The following CAPN11 variants were observed in gnomAD, a reference collection of about 807,000 sequenced individuals.
CAPN11 encodes the protein calpain-11.
A neutral mutation model predicts 105.3 loss-of-function variants in CAPN11; 108 were observed. The observed-to-expected ratio is 1.03, with a 90% CI of 0.88 to 1.20. CAPN11 has a LOEUF of 1.20. CAPN11 is among the 50% of genes most tolerant of loss of function. The probability of loss-of-function intolerance (pLI) is 0.00; values close to 1 mark genes in which losing one functional copy is unlikely to be tolerated. For missense variants in CAPN11, 883 were observed against 924.8 expected (o/e 0.95, Z 0.59); for synonymous variants, 329 against 344.5 (o/e 0.96, Z 0.50).
intron 16 of CAPN11, 41 bp from the exon 17 acceptor site, chr6:44,180,707 G>A (rs372619536): frequency 6.3e-4 from 1,019 of 1,613,344 alleles, no homozygotes; most frequent in Non-Finnish European, 8.1e-4. Context: ...GGGATGAGGG[G>A]CTGGAGGGGC....
rs1263187387 is a variant in CAPN11, at chr6:44,184,184, G to A, written c.*252G>A. 1.6e-5 allele frequency: 9 copies of A among 573,956 alleles called. No homozygotes were observed. Among genetic ancestry groups the A allele is most frequent in the Admixed American group, 3.0e-5 (1 of 33,204 alleles). The allele number at this position is 573,956 out of a possible 1,614,324, so 35.6% of individuals were successfully genotyped here. ...TGATGGCTGGCTTTCCCCCACCATC[G>A]CTCTCTCAGAGTATATTTTACTAAA... On this transcript the variant is annotated 3_prime_UTR_variant, in exon 23 of 23. Transcript: ENST00000398776.
intron 18 of CAPN11, 52 bp from the exon 19 acceptor site, chr6:44,181,200 C>G: frequency 6.5e-7 from 1 of 1,539,384 alleles, no homozygotes; most frequent in South Asian, 1.1e-5. Flanking sequence ...GCTTCCCTAT[C>G]CCCTGGGATG....
intron 12 of CAPN11, 22 bp from the exon 13 acceptor site, chr6:44,179,597 C>T (rs1772786168): frequency 1.2e-6 from 2 of 1,612,052 alleles, no homozygotes; most frequent in Non-Finnish European, 1.7e-6. Flanking sequence ...AGATCTGACT[C>T]TCCTCTTTCT....
chr6:44,177,961 A>C (rs1772411833), intron 12 of CAPN11, among the ~76,000 whole-genome samples: 1 of 151,994 alleles, frequency 6.6e-6, no homozygotes, highest in African/African-American at 2.4e-5. Flanking sequence ...AGGCTCAAGC[A>C]ATCCTTCCAC....
At position 44,180,977 on chromosome 6, in the gene CAPN11, T is replaced by G; in HGVS notation, c.1849T>G (p.Cys617Gly). Residue 617 changes from cysteine to glycine, a missense_variant, in exon 18 of 23, where the codon TGC becomes GGC. Cys to Gly is a radical substitution (Grantham distance 159, BLOSUM62 -3). Transcript: ENST00000398776. Reference sequence around the variant, plus strand: ...GGGCTTTGGCCTGGATGCTTGCCGCTGCATGATCAACCTCATGGATGTATC... The same window carrying G: ...GGGCTTTGGCCTGGATGCTTGCCGCGGCATGATCAACCTCATGGATGTATC... ...TKGFGLDACR[C>G]MINLMDKDGS... 6.2e-7 allele frequency: 1 copy of G among 1,613,616 alleles called. No homozygotes were observed. Among genetic ancestry groups the G allele is most frequent in the Non-Finnish European group, 8.5e-7 (1 of 1,179,590 alleles).
At chr6:44,181,539 A>T (rs1582889234) in intron 19 of CAPN11, among the ~76,000 whole-genome samples, 2 of 73,060 alleles carry the variant, frequency 2.7e-5, no homozygotes, top group African/African-American at 7.0e-5. Flanking sequence ...CACCACACTC[A>T]CACACACACA....
chr6:44,160,635 C>A (rs1468501623), intron 1 of CAPN11, among the ~76,000 whole-genome samples: 8 of 151,814 alleles, frequency 5.3e-5, no homozygotes, highest in African/African-American at 1.9e-4. Context: ...CCTCAAAAAA[C>A]AACAACAACA....
intron 12 of CAPN11, among the ~76,000 whole-genome samples, chr6:44,178,572 T>C (rs1772542371): frequency 6.6e-6 from 1 of 151,894 alleles, no homozygotes; most frequent in Admixed American, 6.6e-5. Context: ...TGCCCTACTC[T>C]TAGGGCCATT....
intron 10 of CAPN11, 74 bp from the exon 11 acceptor site, chr6:44,176,764 G>A: frequency 1.9e-6 from 3 of 1,580,610 alleles, no homozygotes; most frequent in Admixed American, 1.7e-5. Flanking sequence ...GGGTGGTTGT[G>A]GGGGGTGGTT....
chr6:44,169,852 A>C, intron 3 of CAPN11, 54 bp from the exon 4 acceptor site: 2 of 1,356,420 alleles, frequency 1.5e-6, no homozygotes, highest in Non-Finnish European at 2.1e-6. Context: ...AAGTGGGAGA[A>C]AGGTGGGGAG....
Position 44,180,112 on chromosome 6 carries a change from G to T in CAPN11, c.1589G>T (p.Arg530Ile), listed in dbSNP as rs1397815468. The T allele has an allele frequency of 6.2e-7, 1 of 1,613,682 alleles. No homozygotes were observed. The change falls in exon 14 of 23, where the codon AGA becomes ATA. Residue 530 changes from arginine (R) to isoleucine (I), a missense_variant. By Grantham distance (97) the Arg-to-Ile change is moderately conservative. Transcript: ENST00000398776. ...ATTCCCTCCACCTTTGAGCCACACAGAGATGCTGACTTCCTGCTTCGGGTC... is the reference window on the plus strand; with the variant it reads ...ATTCCCTCCACCTTTGAGCCACACATAGATGCTGACTTCCTGCTTCGGGTC... ...IIIPSTFEPH[R>I]DADFLLRVFT...
chr6:44,170,413 C>T (rs544938080), intron 4 of CAPN11, among the ~76,000 whole-genome samples: 3 of 152,200 alleles, frequency 2.0e-5, no homozygotes, highest in Non-Finnish European at 2.9e-5. Flanking sequence ...AGGGTCTGCT[C>T]CTAGGAGGGT....
chr6:44,169,214 G>C, intron 2 of CAPN11, 67 bp from the exon 3 acceptor site: 4 of 1,482,698 alleles, frequency 2.7e-6, no homozygotes, highest in Non-Finnish European at 3.6e-6. Flanking sequence ...GATTACAGGA[G>C]TGAACCACTG....
Position 44,177,260 on chromosome 6 carries a change from C to G in CAPN11, c.1256C>G (p.Pro419Arg), listed in dbSNP as rs1397925000. 6.3e-7 allele frequency: 1 copy of G among 1,596,422 alleles called. No individual in the cohort carries two copies. Among genetic ancestry groups the G allele is most frequent in the Non-Finnish European group, 8.5e-7 (1 of 1,171,516 alleles). The change falls in exon 12 of 23, where the codon CCC becomes CGC. Residue 419 changes from proline to arginine, a missense_variant. Transcript: ENST00000398776. ...RNHPGTFWTN[P>R]QFKISLPEGD... ...GCCACAGGCACGTTCTGGACCAACC[C>G]CCAGTTTAAGATCTCTCTTCCTGAG...
rs1772875395 is a variant in CAPN11, at chr6:44,180,118, C to G, written c.1595C>G (p.Ala532Gly). The G allele has an allele frequency of 6.2e-7, 1 of 1,613,558 alleles. No homozygotes were observed. ...TCCACCTTTGAGCCACACAGAGATG[C>G]TGACTTCCTGCTTCGGGTCTTCACC... ...IPSTFEPHRDADFLLRVFTEK... is the reference protein window; with the variant it reads ...IPSTFEPHRDGDFLLRVFTEK... The change falls in exon 14 of 23, where the codon GCT becomes GGT. Residue 532 changes from alanine to glycine, a missense_variant. By Grantham distance (60) the Ala-to-Gly change is moderately conservative. Coordinates refer to ENST00000398776, the MANE Select transcript of CAPN11 (RefSeq NM_007058.4).
rs746317779 is a variant in CAPN11 at position 44,176,550 on chromosome 6, C to T, written c.1002-31C>T. 8.1e-6 allele frequency: 13 copies of T among 1,603,360 alleles called. No individual in the cohort carries two copies. The Admixed American group carries it at 2.2e-4, about 27-fold the overall frequency. On this transcript the variant is annotated intron_variant, in intron 9 of 22. Coordinates refer to ENST00000398776, the MANE Select transcript of CAPN11 (RefSeq NM_007058.4). ...AAGGAGGTGCCACATGACCTCCGCCCCTCTCCTTCCACCGCCCATCTCTGC... is the reference window on the plus strand; with the variant it reads ...AAGGAGGTGCCACATGACCTCCGCCTCTCTCCTTCCACCGCCCATCTCTGC...
chr6:44,176,914 G>A lies in CAPN11; in HGVS notation c.1153G>A (p.Asp385Asn). The A allele has an allele frequency of 1.9e-6, 3 of 1,613,962 alleles. No individual in the cohort carries two copies. Among genetic ancestry groups the A allele is most frequent in the Non-Finnish European group, 2.5e-6 (3 of 1,179,888 alleles). The change falls in exon 11 of 23, where the codon GAC (aspartate) becomes AAC (asparagine). Residue 385 changes from aspartate (D) to asparagine (N), a missense_variant. Coordinates refer to ENST00000398776, the MANE Select transcript of CAPN11 (RefSeq NM_007058.4). The stretch of plus-strand genomic sequence containing the variant: ...CCTCACGCCTGATACACTCTCTGGG[G>A]ACTACAAGAGCTACTGGCACACCAC... ...CNLTPDTLSG[D>N]YKSYWHTTFY...
chr6:44,169,462 C>G lies in CAPN11; in HGVS notation c.270C>G (p.Ser90Arg), dbSNP rs1770591841. ...FEDPLFPAEP[S>R]SLGFKDLGPN... Reference sequence around the variant, plus strand: ...ACCCCTTATTCCCTGCTGAACCCAGCTCACTGGGCTTCAAGGACCTGGGCC... The same window carrying G: ...ACCCCTTATTCCCTGCTGAACCCAGGTCACTGGGCTTCAAGGACCTGGGCC... The change falls in exon 3 of 23, where the codon AGC becomes AGG. Residue 90 changes from serine (S) to arginine (R), a missense_variant. Coordinates refer to ENST00000398776, the MANE Select transcript of CAPN11 (RefSeq NM_007058.4). 1.2e-6 allele frequency: 2 copies of G among 1,611,190 alleles called. No individual in the cohort carries two copies. The highest frequency in any genetic ancestry group is 1.7e-5 in the Admixed American group (1 of 59,518).
Position 44,176,053 on chromosome 6 carries a change from C to T in CAPN11, c.832-15C>T. ...TCCATGCCCTCCATGCTCTCCCTCCCTCTCTGTTCTGTAGGTCACCAGTGA... is the reference window on the plus strand; with the variant it reads ...TCCATGCCCTCCATGCTCTCCCTCCTTCTCTGTTCTGTAGGTCACCAGTGA... On this transcript the variant is annotated splice_polypyrimidine_tract_variant and intron_variant, in intron 7 of 22. Coordinates refer to ENST00000398776, the MANE Select transcript of CAPN11 (RefSeq NM_007058.4). 1 of 1,592,678 alleles carries T rather than the reference C, an allele frequency of 6.3e-7. No individual in the cohort carries two copies. The highest frequency in any genetic ancestry group is 1.7e-4 in the Middle Eastern group (1 of 6,002).
Sources: allele counts gnomAD v4.1 joint callset (sites outside exome capture counted in the v4.1 genomes callset), GRCh38; gene constraint gnomAD v4.1.1; transcripts MANE v1.5; gene names NCBI Gene and HGNC (gene_info 2026-07-23, HGNC 2026-07-21).